NDST3: variants seen among roughly 807,000 people sequenced by gnomAD.
NDST3 encodes the protein N-deacetylase and N-sulfotransferase 3.
NDST3 carries 58 observed loss-of-function variants against 96.1 expected under a neutral mutation model. The ratio of observed to expected loss-of-function variants is 0.60; its 90% CI spans 0.49 to 0.75. The LOEUF (loss-of-function observed/expected upper bound fraction) is 0.75. Ranked by LOEUF, NDST3 falls within the 30% of genes least tolerant of loss-of-function variation. NDST3 has a pLI of 0.00. For synonymous variants in NDST3, 333 were observed against 359.7 expected, an observed-to-expected ratio of 0.93 and a Z score of 0.84; for missense variants, 788 against 1,034.2, an observed-to-expected ratio of 0.76 and a Z score of 3.27.
chr4:118,096,433 G>A (rs1164299233), intron 2 of NDST3, among the ~76,000 whole-genome samples: 1 of 151,738 alleles, frequency 6.6e-6, no homozygotes, highest in East Asian at 1.9e-4. Flanking sequence ...AACCTGATTA[G>A]TTGGTTCTCC....
intron 12 of NDST3, among the ~76,000 whole-genome samples, chr4:118,249,148 T>C (rs1741496848): frequency 6.6e-6 from 1 of 152,228 alleles, no homozygotes; most frequent in Non-Finnish European, 1.5e-5. Flanking sequence ...AATTTTAGCA[T>C]GTGTGGAGTT....
At chr4:118,227,219 T>C (rs1330767081) in intron 8 of NDST3, among the ~76,000 whole-genome samples, 2 of 128,130 alleles carry the variant, frequency 1.6e-5, no homozygotes, top group Non-Finnish European at 3.4e-5. Flanking sequence ...GTCAATTTGG[T>C]AGCACATGTT....
At chr4:118,229,893 C>T (rs1370011822) in intron 8 of NDST3, among the ~76,000 whole-genome samples, 1 of 152,210 alleles carries the variant, frequency 6.6e-6, no homozygotes, top group Non-Finnish European at 1.5e-5. Flanking sequence ...AGTTATATCT[C>T]AATAAAGTTT....
Position 118,074,157 on chromosome 4 carries a change from G to T in NDST3, c.981+19266G>T, listed in dbSNP as rs181820803. On this transcript the variant is annotated intron_variant, in intron 2 of 13. Transcript: ENST00000296499. Reference sequence around the variant, plus strand: ...TGACAGTTTGGTTGGTATGATTTCAGTTTTTTTAAATCTGCTGAGAATTGT... The same window carrying T: ...TGACAGTTTGGTTGGTATGATTTCATTTTTTTTAAATCTGCTGAGAATTGT... 8.2e-3 allele frequency among the ~76,000 whole-genome samples: 1,242 copies of T among 152,134 alleles called. 8 individuals are homozygous for T. Among genetic ancestry groups the T allele is most frequent in the Non-Finnish European group, 0.014 (947 of 67,976 alleles).
At chr4:118,195,146 A>ATTTCTC (rs560943375) in intron 6 of NDST3, among the ~76,000 whole-genome samples, 13 of 152,242 alleles carry the variant, frequency 8.5e-5, no homozygotes, top group East Asian at 5.8e-4. Flanking sequence ...CATGGAATGT[A>ATTTCTC]TTTCTCTTTT....
At chr4:118,178,746 G>T (rs1336950769) in intron 6 of NDST3, among the ~76,000 whole-genome samples, 1 of 151,958 alleles carries the variant, frequency 6.6e-6, no homozygotes, top group Non-Finnish European at 1.5e-5. Flanking sequence ...TCAATTTTTT[G>T]AAGAATCATT....
intron 2 of NDST3, among the ~76,000 whole-genome samples, chr4:118,083,457 G>C (rs906252505): frequency 1.3e-5 from 2 of 152,092 alleles, no homozygotes; most frequent in African/African-American, 2.4e-5. Context: ...TATTCATTAA[G>C]TGTTCATTTC....
intron 2 of NDST3, among the ~76,000 whole-genome samples, chr4:118,093,773 G>A (rs1293751244): frequency 6.6e-6 from 1 of 151,772 alleles, no homozygotes; most frequent in Non-Finnish European, 1.5e-5. Flanking sequence ...GAATAAATTT[G>A]CCTTAGTTCA....
chr4:118,244,853 T>A (rs1282256865), intron 12 of NDST3, among the ~76,000 whole-genome samples: 2 of 152,198 alleles, frequency 1.3e-5, no homozygotes, highest in African/African-American at 4.8e-5. Flanking sequence ...TAAAATGACT[T>A]ATTACTGTTA....
intron 6 of NDST3, among the ~76,000 whole-genome samples, chr4:118,196,792 C>T (rs1367327952): frequency 2.0e-5 from 3 of 151,024 alleles, no homozygotes; most frequent in African/African-American, 4.9e-5. Context: ...AAAAACTTTT[C>T]GATTCATTGA....
intron 4 of NDST3, among the ~76,000 whole-genome samples, chr4:118,130,602 A>G (rs757863135): frequency 2.0e-5 from 3 of 152,162 alleles, no homozygotes; most frequent in Non-Finnish European, 4.4e-5. Flanking sequence ...TTTACACACC[A>G]CCATTACAAT....
At chr4:118,165,663 T>C (rs1358349273) in intron 6 of NDST3, among the ~76,000 whole-genome samples, 1 of 151,998 alleles carries the variant, frequency 6.6e-6, no homozygotes. Context: ...AGATTACATG[T>C]TGGATCACAA....
At chr4:118,193,585 C>G (rs1180723374) in intron 6 of NDST3, 5 of 1,151,630 alleles carry the variant, frequency 4.3e-6, no homozygotes, top group African/African-American at 3.0e-5. Flanking sequence ...GCCTGCAGAT[C>G]TGCTGCTGGC....
intron 6 of NDST3, among the ~76,000 whole-genome samples, chr4:118,149,322 T>C (rs1031223694): frequency 9.9e-5 from 15 of 152,184 alleles, no homozygotes; most frequent in African/African-American, 2.7e-4. Context: ...GGGGATGACA[T>C]TGAATCTCTA....
intron 4 of NDST3, among the ~76,000 whole-genome samples, chr4:118,137,341 C>T (rs1030667638): frequency 5.3e-5 from 8 of 151,550 alleles, no homozygotes; most frequent in East Asian, 1.9e-4. Flanking sequence ...TGTAATTTTC[C>T]TCTATGCCTT....
At chr4:118,104,305 CAG>C (rs1729996409) in intron 2 of NDST3, among the ~76,000 whole-genome samples, 1 of 151,578 alleles carries the variant, frequency 6.6e-6, no homozygotes, top group Non-Finnish European at 1.5e-5. Flanking sequence ...GAGAGAGAGA[CAG>C]AGACAGAGAA....
At chr4:118,085,423 T>C (rs535889369) in intron 2 of NDST3, among the ~76,000 whole-genome samples, 1 of 152,318 alleles carries the variant, frequency 6.6e-6, no homozygotes, top group African/African-American at 2.4e-5. Context: ...AAAAAAGTAC[T>C]AATAGAAATT....
rs762612061 is a variant in NDST3, at chr4:118,207,961, T to C, written c.1540-16530T>C. ...GTGCAGTTCTGGGTACTTACTATTATGTGGAAGGGTTAACATTTTTAGAAA... is the reference window on the plus strand; with the variant it reads ...GTGCAGTTCTGGGTACTTACTATTACGTGGAAGGGTTAACATTTTTAGAAA... On this transcript the variant is annotated intron_variant, in intron 6 of 13. Transcript: ENST00000296499. 6.5e-4 allele frequency among the ~76,000 whole-genome samples: 94 copies of C among 144,424 alleles called. 13 individuals are homozygous for C. The highest frequency in any genetic ancestry group is 1.2e-3 in the Non-Finnish European group (79 of 65,238). The allele number at this position is 144,424 out of a possible 152,430, so 94.7% of individuals were successfully genotyped here.
intron 6 of NDST3, among the ~76,000 whole-genome samples, chr4:118,207,967 A>T (rs1225332028): frequency 6.9e-6 from 1 of 144,228 alleles, no homozygotes; most frequent in Non-Finnish European, 1.5e-5. Context: ...ATTATGTGGA[A>T]GGGTTAACAT....
Sources: gnomAD v4.1 joint callset for allele counts (sites outside exome capture counted in the v4.1 genomes callset) on GRCh38, gnomAD v4.1.1 for gene constraint, MANE v1.5 for transcripts, NCBI Gene and HGNC (gene_info 2026-07-23, HGNC 2026-07-21) for gene names.